POGZ: variants seen among roughly 807,000 people sequenced by gnomAD.
POGZ encodes pogo transposable element with ZNF domain.
POGZ carries 17 observed loss-of-function variants against 134.6 expected under a neutral mutation model. The observed-to-expected ratio is 0.13, with a 90% confidence interval of 0.09 to 0.19. The LOEUF (loss-of-function observed/expected upper bound fraction) is 0.19. POGZ is among the 10% of genes least tolerant of loss of function. The pLI is 1.00. For synonymous variants in POGZ, 693 were observed against 657.1 expected (o/e 1.05, Z -0.84); for missense variants, 1,306 against 1,769.7 (o/e 0.74, Z 4.70).
At position 151,404,674 on chromosome 1, in the gene POGZ, G is replaced by A; in HGVS notation, c.*128C>T. ...GGAAGTGTAAGTCAACTTCAGGGGGGAGTGGTGGTATAAAATTAAAAAATA... is the reference window on the plus strand; with the variant it reads ...GGAAGTGTAAGTCAACTTCAGGGGGAAGTGGTGGTATAAAATTAAAAAATA... On this transcript the variant is annotated 3_prime_UTR_variant, in exon 19 of 19. Transcript: ENST00000271715. 2 of 1,417,540 alleles carry A rather than the reference G, an allele frequency of 1.4e-6. No individual in the cohort carries two copies. Among genetic ancestry groups the A allele is most frequent in the South Asian group, 1.6e-5 (1 of 61,298 alleles). 87.8% of individuals were successfully genotyped at this position (1,417,540 alleles called of 1,614,324 possible).
At chr1:151,409,317 C>T (rs1654237708) in intron 12 of POGZ, among the ~76,000 whole-genome samples, 1 of 152,102 alleles carries the variant, frequency 6.6e-6, no homozygotes, top group Admixed American at 6.5e-5. Flanking sequence ...AGTATGCTTT[C>T]GTGGGCAGTC....
rs1311033404 is a variant in POGZ, at chr1:151,440,947, T to C, written c.264A>G (p.Thr88=). The C allele has an allele frequency of 1.2e-6, 2 of 1,613,418 alleles. No individual in the cohort carries two copies. The highest frequency in any genetic ancestry group is 2.7e-5 in the African/African-American group (2 of 74,916). ...NSDSTKKTLV[T]LIANNNAGNP... is the part of the protein sequence containing the mutation. ...ACTTACCATTGTTGTTGGCAATTAG[T>C]GTGACAAGAGTCTTCTTTGTACTGT... is the stretch of plus-strand genomic sequence containing the variant. Residue 88 remains threonine, a synonymous_variant, in exon 3 of 19, where the codon ACA becomes ACG. Coordinates refer to ENST00000271715, the MANE Select transcript of POGZ (RefSeq NM_015100.4).
chr1:151,428,973 C>T (rs1658238786), intron 5 of POGZ, among the ~76,000 whole-genome samples: 1 of 151,986 alleles, frequency 6.6e-6, no homozygotes, highest in Admixed American at 6.6e-5. Flanking sequence ...GAACAAAAAA[C>T]AAAACCTTAG....
In POGZ at chr1:151,407,263, A is replaced by T. The variant is rs147140881; in HGVS notation, c.2404T>A (p.Tyr802Asn). ...ACAGAATTTTTAAACAAAGCCAAAT[A>T]CTTGGGGCTCTTCCGTGGAACATGA... ...NNHVPRKSPK[Y>N]LALFKNSVSG... The change falls in exon 16 of 19, where the codon TAT becomes AAT. Residue 802 changes from tyrosine (Y) to asparagine (N), a missense_variant. Tyr to Asn is a moderately radical substitution (Grantham distance 143). This residue lies in a region of POGZ where 34 missense variants were observed against 95.5 expected (regional missense o/e 0.36). Coordinates refer to ENST00000271715, the MANE Select transcript of POGZ (RefSeq NM_015100.4). 6.2e-7 allele frequency: 1 copy of T among 1,609,768 alleles called. No homozygotes were observed. Among genetic ancestry groups the T allele is most frequent in the Non-Finnish European group, 8.5e-7 (1 of 1,178,270 alleles).
At chr1:151,454,368 G>A (rs1662515167) in intron 1 of POGZ, among the ~76,000 whole-genome samples, 1 of 152,146 alleles carries the variant, frequency 6.6e-6, no homozygotes, top group Non-Finnish European at 1.5e-5. Context: ...TACTTAATCT[G>A]TGTATAAAAC....
At chr1:151,456,467 T>C (rs1035237430) in intron 1 of POGZ, among the ~76,000 whole-genome samples, 11 of 152,302 alleles carry the variant, frequency 7.2e-5, no homozygotes, top group African/African-American at 2.4e-4. Flanking sequence ...TGAAAAACCA[T>C]AGTCTGCTAG....
chr1:151,417,068 C>CT (rs562262990), intron 10 of POGZ, among the ~76,000 whole-genome samples: 1,621 of 144,916 alleles, frequency 0.011, 17 homozygotes, highest in Non-Finnish European at 0.017. Flanking sequence ...TCTGTTAGAT[C>CT]TTTTTTTTTT....
chr1:151,455,703 T>C (rs1191595968), intron 1 of POGZ, among the ~76,000 whole-genome samples: 1 of 152,196 alleles, frequency 6.6e-6, no homozygotes, highest in African/African-American at 2.4e-5. Context: ...ATTTTGCAAA[T>C]CTCTTTTATG....
At chr1:151,436,760 A>C (rs1163549250) in intron 3 of POGZ, among the ~76,000 whole-genome samples, 1 of 152,250 alleles carries the variant, frequency 6.6e-6, no homozygotes, top group African/African-American at 2.4e-5. Context: ...TTATGGACAC[A>C]GGTTGTTTTT....
intron 15 of POGZ, among the ~76,000 whole-genome samples, 166 bp downstream of exon 15, chr1:151,407,934 C>G (rs1235048280): frequency 6.7e-6 from 1 of 149,390 alleles, no homozygotes; most frequent in Non-Finnish European, 1.5e-5. Flanking sequence ...ATCACTTGAA[C>G]CCAGGAGGCA....
At position 151,408,632 on chromosome 1, in the gene POGZ, A is replaced by T. The variant is rs761447317; in HGVS notation, c.2062-51T>A. 4 of 1,601,626 alleles carry T rather than the reference A, an allele frequency of 2.5e-6. No homozygotes were observed. The Admixed American group carries it at 7.1e-5, about 29-fold the overall frequency. On this transcript the variant is annotated intron_variant, in intron 13 of 18. Transcript: ENST00000271715. ...AGACATCACCCACACTAAATTTCAG[A>T]ATACTGAAAATCTCTATTCCTCCCT...
chr1:151,409,525 C>T (rs1374132403), intron 12 of POGZ, among the ~76,000 whole-genome samples: 5 of 152,092 alleles, frequency 3.3e-5, no homozygotes, highest in Non-Finnish European at 2.9e-5. Context: ...TTTGTAGAGA[C>T]GGGGTGTCAC....
intron 1 of POGZ, among the ~76,000 whole-genome samples, chr1:151,457,300 AAC>A (rs1357813421): frequency 2.0e-5 from 3 of 152,332 alleles, no homozygotes; most frequent in South Asian, 2.1e-4. Context: ...CAACATCTTG[AAC>A]ACTTTTATGT....
At chr1:151,415,093 C>T (rs1373877978) in intron 10 of POGZ, among the ~76,000 whole-genome samples, 2 of 152,126 alleles carry the variant, frequency 1.3e-5, no homozygotes, top group Non-Finnish European at 2.9e-5. Flanking sequence ...ATCTCTTGTA[C>T]CTTCCTAAGG....
chr1:151,434,552 G>A (rs183306915), intron 3 of POGZ, among the ~76,000 whole-genome samples: 1 of 152,178 alleles, frequency 6.6e-6, no homozygotes, highest in Non-Finnish European at 1.5e-5. Flanking sequence ...AATTCCATGA[G>A]TTTTCTTCTA....
chr1:151,421,744 G>C (rs1171971080), intron 10 of POGZ, among the ~76,000 whole-genome samples: 1 of 152,112 alleles, frequency 6.6e-6, no homozygotes, highest in African/African-American at 2.4e-5. Context: ...TGATATAACA[G>C]ATATTCTTAT....
At chr1:151,409,292 A>T (rs1654232798) in intron 12 of POGZ, among the ~76,000 whole-genome samples, 4 of 152,296 alleles carry the variant, frequency 2.6e-5, no homozygotes, top group Admixed American at 2.6e-4. Context: ...CAAACAACTT[A>T]TTACCAGTTT....
At chr1:151,419,315 C>T (rs1038576216) in intron 10 of POGZ, among the ~76,000 whole-genome samples, 2 of 151,794 alleles carry the variant, frequency 1.3e-5, no homozygotes, top group Non-Finnish European at 2.9e-5. Context: ...AGAGCCAAGA[C>T]TGCGCCACTG....
At position 151,405,209 on chromosome 1, in the gene POGZ, G is replaced by A; in HGVS notation, c.3826C>T (p.Leu1276=). The part of the protein sequence containing the change: ...VCIKRTVKNF[L]HKKWKEQARE... ...GCCTGTTCCTTCCATTTTTTATGCA[G>A]GAAGTTCTTGACAGTTCTTTTGATG... The change falls in exon 19 of 19, where the codon CTG becomes TTG. Residue 1276 remains leucine, a synonymous_variant. Transcript: ENST00000271715. The surrounding 1 kb of genome is among the most constrained non-coding windows in gnomAD (Gnocchi z 4.9). The A allele has an allele frequency of 1.2e-6, 2 of 1,614,114 alleles. No individual in the cohort carries two copies. The highest frequency in any genetic ancestry group is 1.1e-5 in the South Asian group (1 of 91,078).
Sources: allele counts gnomAD v4.1 joint callset (sites outside exome capture counted in the v4.1 genomes callset), GRCh38; gene constraint gnomAD v4.1.1; regional missense constraint gnomAD v4.1.1; non-coding constraint Gnocchi (gnomAD v3.1); transcripts MANE v1.5; gene names NCBI Gene and HGNC (gene_info 2026-07-23, HGNC 2026-07-21).